Variants in NR5A2 observed in about 807,000 individuals in gnomAD.
NR5A2 encodes the protein CYP7A promoter-binding factor.
Under a neutral mutation model 62.7 loss-of-function variants are expected in NR5A2, and 26 were observed. The observed-to-expected ratio is 0.41, with a 90% CI of 0.30 to 0.58. The LOEUF is 0.58. Ranked by LOEUF, NR5A2 falls within the 20% of genes least tolerant of loss-of-function variation. The probability of loss-of-function intolerance (pLI) is 0.22; values close to 1 mark genes in which losing one functional copy is unlikely to be tolerated. For missense variants in NR5A2, 541 were observed against 669.1 expected (o/e 0.81, Z 2.11); for synonymous variants, 246 against 241.7 (o/e 1.02, Z -0.16).
At chr1:200,047,943 T>A (rs1457821807) in intron 4 of NR5A2, among the ~76,000 whole-genome samples, 1 of 152,196 alleles carries the variant, frequency 6.6e-6, no homozygotes, top group Non-Finnish European at 1.5e-5. Flanking sequence ...AGGGTTAATA[T>A]GTCCCTATGT....
chr1:200,167,322 C>T (rs1653947040), intron 7 of NR5A2, among the ~76,000 whole-genome samples: 1 of 152,214 alleles, frequency 6.6e-6, no homozygotes, highest in Admixed American at 6.5e-5. Flanking sequence ...CCTTAACAGA[C>T]ACCTGGAAGC....
At chr1:200,133,562 CAT>C (rs71132669) in intron 7 of NR5A2, among the ~76,000 whole-genome samples, 5,170 of 138,556 alleles carry the variant, frequency 0.037, 121 homozygotes, top group Middle Eastern at 0.058. Flanking sequence ...TATATACACA[CAT>C]ATATATATAC....
intron 7 of NR5A2, among the ~76,000 whole-genome samples, chr1:200,149,262 T>C (rs2102360778): frequency 6.6e-6 from 1 of 152,294 alleles, no homozygotes; most frequent in South Asian, 2.1e-4. Flanking sequence ...TTGGTGCTGT[T>C]TACTGGCACA....
At chr1:200,082,874 A>G (rs1306844074) in intron 5 of NR5A2, among the ~76,000 whole-genome samples, 1 of 152,188 alleles carries the variant, frequency 6.6e-6, no homozygotes, top group Non-Finnish European at 1.5e-5. Flanking sequence ...CTAAAAAGGC[A>G]TGCAACCTAC....
At position 200,147,705 on chromosome 1, in the gene NR5A2, C is replaced by T. The variant is rs1409665765; in HGVS notation, c.1379-26258C>T. On this transcript the variant is annotated intron_variant, in intron 7 of 7. Coordinates refer to ENST00000367362, the MANE Select transcript of NR5A2 (RefSeq NM_205860.3). This position sits in a 1 kb window ranked among gnomAD's most constrained non-coding sequence, Gnocchi z 4.9. ...TGGACTTGGGCTCCGAGGCGATCTCCTCCAGCTCCTCCCTGAGCGCCTCTC... is the reference window on the plus strand; with the variant it reads ...TGGACTTGGGCTCCGAGGCGATCTCTTCCAGCTCCTCCCTGAGCGCCTCTC... 3.0e-5 allele frequency: 20 copies of T among 661,076 alleles called. No homozygotes were observed. Among genetic ancestry groups the T allele is most frequent in the Non-Finnish European group, 5.2e-5 (18 of 348,904 alleles). The allele number at this position is 661,076 out of a possible 1,614,324, so 41.0% of individuals were successfully genotyped here. A position where few individuals can be genotyped will look rare whatever the true frequency, so the allele number is the denominator to read the frequency against.
At chr1:200,109,106 A>C (rs554174985) in intron 5 of NR5A2, among the ~76,000 whole-genome samples, 1 of 152,242 alleles carries the variant, frequency 6.6e-6, no homozygotes, top group African/African-American at 2.4e-5. Flanking sequence ...TATCTTGTCC[A>C]CCCTTATATG....
intron 5 of NR5A2, among the ~76,000 whole-genome samples, chr1:200,069,920 C>T (rs1399755663): frequency 1.3e-5 from 2 of 152,030 alleles, no homozygotes; most frequent in African/African-American, 4.8e-5. Context: ...CTCCATTTGG[C>T]TTTAAAATAG....
chr1:200,150,652 G>A (rs1653040078), intron 7 of NR5A2, among the ~76,000 whole-genome samples: 1 of 152,194 alleles, frequency 6.6e-6, no homozygotes, highest in Admixed American at 6.5e-5. Context: ...AAGATGAGTA[G>A]AGGGTTGGGA....
At chr1:200,051,293 A>ATAT (rs1158488240) in intron 5 of NR5A2, among the ~76,000 whole-genome samples, 6 of 117,532 alleles carry the variant, frequency 5.1e-5, no homozygotes, top group African/African-American at 3.2e-4. Context: ...AAAAAAGGAA[A>ATAT]CATGAAGTAA....
chr1:200,045,238 T>A (rs1662304893), intron 3 of NR5A2, among the ~76,000 whole-genome samples: 1 of 152,136 alleles, frequency 6.6e-6, no homozygotes, highest in Non-Finnish European at 1.5e-5. Context: ...TCTTCAAGAA[T>A]AAAACTGATG....
Position 200,038,795 on chromosome 1 carries a change from T to TC in NR5A2, c.65-857dup, listed in dbSNP as rs747089371. The TC allele has an allele frequency of 5.1e-5, 64 of 1,262,434 alleles. 1 individual carries two copies. The highest frequency in any genetic ancestry group is 4.8e-4 in the Middle Eastern group (2 of 4,210). The allele number at this position is 1,262,434 out of a possible 1,614,324, so 78.2% of individuals were successfully genotyped here. ...GCTGTAAGACCCGGCTGCATTTACA[T>TC]CCCCCCGCCCCGGGCCAGGGTGGGG... On this transcript the variant is annotated intron_variant, in intron 1 of 7. Transcript: ENST00000367362.
chr1:200,078,019 C>A (rs1317947685), intron 5 of NR5A2, among the ~76,000 whole-genome samples: 4 of 152,058 alleles, frequency 2.6e-5, no homozygotes, highest in African/African-American at 9.7e-5. Context: ...AGTGATAGTC[C>A]CAGGTAAAGA....
At chr1:200,061,120 C>CAAAA (rs34729240) in intron 5 of NR5A2, among the ~76,000 whole-genome samples, 1 of 75,402 alleles carries the variant, frequency 1.3e-5, no homozygotes, top group African/African-American at 4.5e-5. Flanking sequence ...AACTCCGTCT[C>CAAAA]AAAAAAAAAA....
At chr1:200,050,719 C>T (rs967327938) in intron 5 of NR5A2, among the ~76,000 whole-genome samples, 1 of 152,064 alleles carries the variant, frequency 6.6e-6, no homozygotes, top group Non-Finnish European at 1.5e-5. Context: ...GGAGAAACCC[C>T]GTCTCTACTA....
chr1:200,038,810 CCAGGGT>C, intron 1 of NR5A2: 1 of 1,281,700 alleles, frequency 7.8e-7, no homozygotes, highest in Non-Finnish European at 1.0e-6. Flanking sequence ...CCGCCCCGGG[CCAGGGT>C]GGGGTGGGAG....
At chr1:200,044,422 T>C (rs1662264134) in intron 3 of NR5A2, 3 of 152,076 alleles carry the variant, frequency 2.0e-5, no homozygotes, top group African/African-American at 4.8e-5. Context: ...AATCAGATTT[T>C]AGTTTTTAAT....
In NR5A2 at chr1:200,039,845, G is replaced by A. The variant is rs1373644484; in HGVS notation, c.202+50G>A. 1.9e-6 allele frequency: 3 copies of A among 1,560,842 alleles called. No homozygotes were observed. Among genetic ancestry groups the A allele is most frequent in the African/African-American group, 1.4e-5 (1 of 71,224 alleles). On this transcript the variant is annotated intron_variant, in intron 2 of 7. Coordinates refer to ENST00000367362, the MANE Select transcript of NR5A2 (RefSeq NM_205860.3). This position sits in a 1 kb window ranked among gnomAD's most constrained non-coding sequence, Gnocchi z 5.1. ...CGGCTCCCGCTGCTTCCCCACCCCC[G>A]GGCTCGCCCTGCAGGCTTCAGCCTC... is the stretch of plus-strand genomic sequence containing the variant.
chr1:200,051,645 C>T (rs1179733279), intron 5 of NR5A2, among the ~76,000 whole-genome samples: 1 of 152,066 alleles, frequency 6.6e-6, no homozygotes, highest in African/African-American at 2.4e-5. Flanking sequence ...CTTACTTTGA[C>T]CAGGAGTGAT....
At chr1:200,128,602 C>T (rs12063829) in intron 7 of NR5A2, among the ~76,000 whole-genome samples, 98 of 152,204 alleles carry the variant, frequency 6.4e-4, no homozygotes, top group African/African-American at 2.0e-3. Context: ...AATAGTCATT[C>T]TTTTCCCCTC....
Sources: gnomAD v4.1 joint callset for allele counts (sites outside exome capture counted in the v4.1 genomes callset) on GRCh38, gnomAD v4.1.1 for gene constraint, Gnocchi (gnomAD v3.1) non-coding constraint, MANE v1.5 for transcripts, NCBI Gene and HGNC (gene_info 2026-07-23, HGNC 2026-07-21) for gene names.